Variants in ADAMTS2 observed in about 807,000 individuals in gnomAD.
ADAMTS2 encodes the protein ADAM metallopeptidase with thrombospondin type 1 motif 2, also known as A disintegrin and metalloproteinase with thrombospondin motifs 2.
A neutral mutation model predicts 123.0 loss-of-function variants in ADAMTS2; 50 were observed. The ratio of observed to expected loss-of-function variants is 0.41; its 90% CI spans 0.32 to 0.51. ADAMTS2 has a LOEUF of 0.51. Ranked by LOEUF, ADAMTS2 falls within the 20% of genes least tolerant of loss-of-function variation. The probability of loss-of-function intolerance (pLI) is 0.35; values close to 1 mark genes in which losing one functional copy is unlikely to be tolerated. For missense variants in ADAMTS2, 1,494 were observed against 1,705.2 expected, an observed-to-expected ratio of 0.88 and a Z score of 2.18; for synonymous variants, 678 against 695.4, an observed-to-expected ratio of 0.98 and a Z score of 0.39.
At chr5:179,152,530 G>T (rs1168749344) in intron 9 of ADAMTS2, among the ~76,000 whole-genome samples, 1 of 152,136 alleles carries the variant, frequency 6.6e-6, no homozygotes, top group African/African-American at 2.4e-5. Context: ...GGCCCTAAGT[G>T]CCAGCCTGAG....
intron 2 of ADAMTS2, among the ~76,000 whole-genome samples, chr5:179,279,347 G>A (rs1029728738): frequency 6.6e-6 from 1 of 152,146 alleles, no homozygotes; most frequent in Non-Finnish European, 1.5e-5. Context: ...TACACACACA[G>A]CACGCACCTT....
At chr5:179,336,902 C>A (rs1465682958) in intron 2 of ADAMTS2, among the ~76,000 whole-genome samples, 1 of 152,160 alleles carries the variant, frequency 6.6e-6, no homozygotes, top group Admixed American at 6.5e-5. Flanking sequence ...GTGGGGATGG[C>A]GTAGAGCCTG....
chr5:179,158,173 G>A lies in ADAMTS2; in HGVS notation c.1132+550C>T, dbSNP rs1014186014. Among the ~76,000 whole-genome samples, 1 of 152,086 alleles carries A rather than the reference G, an allele frequency of 6.6e-6. No homozygotes were observed. Among genetic ancestry groups the A allele is most frequent in the African/African-American group, 2.4e-5 (1 of 41,408 alleles). On this transcript the variant is annotated intron_variant, in intron 6 of 21. Transcript: ENST00000251582. The surrounding 1 kb of genome is among the most constrained non-coding windows in gnomAD (Gnocchi z 5.0). The stretch of plus-strand genomic sequence containing the variant: ...TTAGAGACGGGGTTTCACCATGTTA[G>A]CCAAGATGGTCTCGATCTCCTGACC...
At chr5:179,152,311 G>T in intron 9 of ADAMTS2, 56 bp from the exon 10 acceptor site, 1 of 1,547,362 alleles carries the variant, frequency 6.5e-7, no homozygotes, top group Non-Finnish European at 8.9e-7. Flanking sequence ...ACCTCCCAGG[G>T]ATGCCACCCA....
chr5:179,310,897 C>T (rs1331242246), intron 2 of ADAMTS2, among the ~76,000 whole-genome samples: 1 of 152,092 alleles, frequency 6.6e-6, no homozygotes, highest in Non-Finnish European at 1.5e-5. Flanking sequence ...GGAGGCATGG[C>T]CCAGGACAGC....
intron 2 of ADAMTS2, among the ~76,000 whole-genome samples, chr5:179,288,719 A>C (rs1756100126): frequency 6.6e-6 from 1 of 152,210 alleles, no homozygotes; most frequent in South Asian, 2.1e-4. Context: ...TCCAGAATGC[A>C]GGCAGGCTCA....
chr5:179,274,594 G>C (rs376968998), intron 2 of ADAMTS2, among the ~76,000 whole-genome samples: 1 of 152,234 alleles, frequency 6.6e-6, no homozygotes, highest in African/African-American at 2.4e-5. Context: ...TTGGTTGTGG[G>C]GGGGCACGGT....
chr5:179,113,555 A>T lies in ADAMTS2; in HGVS notation c.*312T>A. On this transcript the variant is annotated 3_prime_UTR_variant, in exon 22 of 22. Coordinates refer to ENST00000251582, the MANE Select transcript of ADAMTS2 (RefSeq NM_014244.5). ...ATCACTGCTTAGCAACTTGGGGCCTATTTTTGTTCTCTCAGAGTGATCCCT... is the reference window on the plus strand; with the variant it reads ...ATCACTGCTTAGCAACTTGGGGCCTTTTTTTGTTCTCTCAGAGTGATCCCT... The T allele has an allele frequency of 2.5e-6, 1 of 394,388 alleles. No individual in the cohort carries two copies. The highest frequency in any genetic ancestry group is 4.7e-6 in the Non-Finnish European group (1 of 213,542). 24.4% of individuals were successfully genotyped at this position (394,388 alleles called of 1,614,324 possible).
At chr5:179,336,797 C>T (rs141028729) in intron 2 of ADAMTS2, among the ~76,000 whole-genome samples, 341 of 152,308 alleles carry the variant, frequency 2.2e-3, no homozygotes, top group African/African-American at 7.7e-3. Flanking sequence ...CTGCCGGTCA[C>T]GAGGAGCACA....
chr5:179,167,591 C>T (rs1418231746), intron 5 of ADAMTS2, among the ~76,000 whole-genome samples: 2 of 152,162 alleles, frequency 1.3e-5, no homozygotes, highest in African/African-American at 4.8e-5. Context: ...GCGCCCGCCC[C>T]GCCAGGAGGC....
At chr5:179,298,819 G>A (rs756900149) in intron 2 of ADAMTS2, among the ~76,000 whole-genome samples, 1 of 152,170 alleles carries the variant, frequency 6.6e-6, no homozygotes, top group Non-Finnish European at 1.5e-5. Flanking sequence ...AGATGCTAAG[G>A]TCTGAAAACA....
rs938507827 is a variant in ADAMTS2 at position 179,340,880 on chromosome 5, C to A, written c.534+2887G>T. On this transcript the variant is annotated intron_variant, in intron 2 of 21. Transcript: ENST00000251582. ...ACGTGAAATTAGCACGCCTACCACG[C>A]TGCCCAGGAGATACTGGAAAACTCT... Among the ~76,000 whole-genome samples the A allele has an allele frequency of 2.0e-5, 3 of 152,238 alleles. No individual in the cohort carries two copies. In the East Asian group the frequency reaches 5.8e-4, roughly 29 times the overall value.
rs115077772 is a variant in ADAMTS2 at position 179,268,813 on chromosome 5, C to T, written c.688+4098G>A. 4.6e-3 allele frequency among the ~76,000 whole-genome samples: 705 copies of T among 152,298 alleles called. 8 individuals carry two copies. The highest frequency in any genetic ancestry group is 0.016 in the African/African-American group (661 of 41,566). ...AGTGAAGCCTACAGTGCTGCTCCTC[C>T]GCGTGACCCAGACGGGCGCCTCCCG... On this transcript the variant is annotated intron_variant, in intron 3 of 21. Transcript: ENST00000251582.
chr5:179,276,743 C>T (rs1766706682), intron 2 of ADAMTS2, among the ~76,000 whole-genome samples: 1 of 152,234 alleles, frequency 6.6e-6, no homozygotes, highest in Non-Finnish European at 1.5e-5. Context: ...CTGGGCCAGA[C>T]TGGGCCGATT....
rs1294841708 is a variant in ADAMTS2 at position 179,180,424 on chromosome 5, C to T, written c.975+648G>A. 6.6e-6 allele frequency among the ~76,000 whole-genome samples: 1 copy of T among 152,178 alleles called. No homozygotes were observed. Among genetic ancestry groups the T allele is most frequent in the Non-Finnish European group, 1.5e-5 (1 of 68,026 alleles). On this transcript the variant is annotated intron_variant, in intron 5 of 21. Transcript: ENST00000251582. The surrounding 1 kb of genome is among the most constrained non-coding windows in gnomAD (Gnocchi z 4.6). ...AAGTCCAAGGGAGGGTCGTGTTAAC[C>T]ACGTGTTTCTGATGCTTTGACATCC...
At chr5:179,210,950 C>T (rs1764837915) in intron 3 of ADAMTS2, among the ~76,000 whole-genome samples, 1 of 152,252 alleles carries the variant, frequency 6.6e-6, no homozygotes, top group Non-Finnish European at 1.5e-5. Flanking sequence ...CACATGCTGG[C>T]CCTTGCAGAC....
rs556775000 is a variant in ADAMTS2 at position 179,330,057 on chromosome 5, C to G, written c.534+13710G>C. ...AGGAGAATGGCGTGAACCCGGGAAG[C>G]GGAGCTTGCAGTGAGCCGAGATTGC... is the stretch of plus-strand genomic sequence containing the variant. On this transcript the variant is annotated intron_variant, in intron 2 of 21. Coordinates refer to ENST00000251582, the MANE Select transcript of ADAMTS2 (RefSeq NM_014244.5). Among the ~76,000 whole-genome samples the G allele has an allele frequency of 9.6e-3, 1,395 of 144,824 alleles. 7 individuals are homozygous for G. The highest frequency in any genetic ancestry group is 0.016 in the Non-Finnish European group (1,040 of 66,998).
Position 179,128,228 on chromosome 5 carries a change from G to A in ADAMTS2, c.2458-110C>T, listed in dbSNP as rs1430040994. The A allele has an allele frequency of 7.3e-7, 1 of 1,373,184 alleles. No homozygotes were observed. Among genetic ancestry groups the A allele is most frequent in the East Asian group, 2.4e-5 (1 of 41,620 alleles). The allele number at this position is 1,373,184 out of a possible 1,614,324, so 85.1% of individuals were successfully genotyped here. A position where few individuals can be genotyped will look rare whatever the true frequency, so the allele number is the denominator to read the frequency against. ...ACTCCAGAGGAGTCTCATCATTCAT[G>A]GCAGTTACATTCCATGAAGTCGCCC... On this transcript the variant is annotated intron_variant, in intron 16 of 21. Transcript: ENST00000251582. The surrounding 1 kb of genome is among the most constrained non-coding windows in gnomAD (Gnocchi z 4.9).
intron 8 of ADAMTS2, among the ~76,000 whole-genome samples, 196 bp from the exon 9 acceptor site, chr5:179,153,819 C>T (rs543783927): frequency 4.9e-4 from 75 of 152,212 alleles, no homozygotes; most frequent in African/African-American, 1.7e-3. Context: ...TTGAGCGGAC[C>T]CCAGGGTAGC....
Sources: gnomAD v4.1 joint callset for allele counts (sites outside exome capture counted in the v4.1 genomes callset) on GRCh38, gnomAD v4.1.1 for gene constraint, Gnocchi (gnomAD v3.1) non-coding constraint, MANE v1.5 for transcripts, NCBI Gene and HGNC (gene_info 2026-07-23, HGNC 2026-07-21) for gene names.